NLGN3: variants seen among roughly 807,000 people sequenced by gnomAD.
NLGN3 encodes neuroligin-3.
NLGN3 carries 11 observed loss-of-function variants against 42.9 expected under a neutral mutation model. The observed-to-expected ratio is 0.26, with a 90% CI of 0.16 to 0.42. The LOEUF (loss-of-function observed/expected upper bound fraction) is 0.42. Ranked by LOEUF, NLGN3 falls within the 10% of genes least tolerant of loss-of-function variation. NLGN3 has a pLI of 1.00. For missense variants in NLGN3, 374 were observed against 733.8 expected (o/e 0.51, Z 5.67); for synonymous variants, 279 against 312.7 (o/e 0.89, Z 1.14).
chrX:71,169,330 T>A lies in NLGN3; in HGVS notation c.1780T>A (p.Ser594Thr), dbSNP rs2092462271. 2 of 1,206,516 alleles carry A rather than the reference T, an allele frequency of 1.7e-6. No homozygotes were observed. The highest frequency in any genetic ancestry group is 2.2e-6 in the Non-Finnish European group (2 of 893,558). ...KANRFEEVAW[S>T]KYNPRDQLYL... is the part of the protein sequence containing the mutation. ...CAACCGCTTTGAGGAAGTGGCCTGG[T>A]CCAAATACAATCCCCGAGACCAGCT... is the stretch of plus-strand genomic sequence containing the variant. The change falls in exon 8 of 8, where the codon TCC becomes ACC. Residue 594 changes from serine to threonine, a missense_variant. Physicochemically the swap from Ser to Thr is moderately conservative, Grantham distance 58 (BLOSUM62 1). Coordinates refer to ENST00000358741, the MANE Select transcript of NLGN3 (RefSeq NM_181303.2).
chrX:71,168,414 A>T (rs1196399078), intron 7 of NLGN3, among the ~76,000 whole-genome samples: 1 of 110,415 alleles, frequency 9.1e-6, no homozygotes, highest in African/African-American at 3.3e-5. Context: ...AGGCTATGTG[A>T]AATAGGAATG....
At chrX:71,157,819 G>A (rs5981080) in intron 5 of NLGN3, among the ~76,000 whole-genome samples, 6,310 of 109,840 alleles carry the variant, frequency 0.057, 457 homozygotes, top group African/African-American at 0.2. Context: ...AAGCAAAGTC[G>A]GTGTCCCCTT....
intron 7 of NLGN3, among the ~76,000 whole-genome samples, chrX:71,168,834 A>AAAG (rs1294908501): frequency 1.2e-5 from 1 of 81,980 alleles, no homozygotes; most frequent in Non-Finnish European, 2.1e-5. Flanking sequence ...AGAAAGAAAG[A>AAAG]AAGAAAGAAA....
chrX:71,161,784 A>C (rs1417073680), intron 5 of NLGN3, among the ~76,000 whole-genome samples: 1 of 111,956 alleles, frequency 8.9e-6, no homozygotes, highest in East Asian at 2.8e-4. Flanking sequence ...AAAAAAAAAT[A>C]AATAAATAAT....
At chrX:71,163,445 G>T (rs1249911544) in intron 5 of NLGN3, among the ~76,000 whole-genome samples, 1 of 111,582 alleles carries the variant, frequency 9.0e-6, no homozygotes, top group Non-Finnish European at 1.9e-5. Flanking sequence ...TGAGGGGAAG[G>T]GGGCCATCAA....
At chrX:71,168,101 T>C (rs926597355) in intron 7 of NLGN3, among the ~76,000 whole-genome samples, 2 of 111,107 alleles carry the variant, frequency 1.8e-5, no homozygotes. Flanking sequence ...TCCCAGCACT[T>C]TGGGAGGCAA....
chrX:71,158,410 T>C (rs910340912), intron 5 of NLGN3, among the ~76,000 whole-genome samples: 2 of 112,123 alleles, frequency 1.8e-5, no homozygotes, highest in Non-Finnish European at 3.8e-5. Context: ...TAGAGAGGAA[T>C]GAACGCGCAA....
At position 71,170,182 on chromosome X, in the gene NLGN3, GACACACACACAC is replaced by G; in HGVS notation, c.*93_*104del. On this transcript the variant is annotated 3_prime_UTR_variant, in exon 8 of 8. Coordinates refer to ENST00000358741, the MANE Select transcript of NLGN3 (RefSeq NM_181303.2). ...GCACACACACACACACACACACGCA[GACACACACACAC>G]ACACACATATATGTATACGCACGCA... 1 of 1,025,269 alleles carries G rather than the reference GACACACACACAC, an allele frequency of 9.8e-7. No individual in the cohort carries two copies. The highest frequency in any genetic ancestry group is 3.6e-5 in the East Asian group (1 of 28,091). 84.5% of individuals were successfully genotyped at this position (1,025,269 alleles called of 1,213,427 possible). A position where few individuals can be genotyped will look rare whatever the true frequency, so the allele number is the denominator to read the frequency against.
In NLGN3 at chrX:71,146,145, T is replaced by TCA. The variant is rs1569483351; in HGVS notation, c.-201+1182_-201+1183insAC. Among the ~76,000 whole-genome samples, 40 of 40,795 alleles carry TCA rather than the reference T, an allele frequency of 9.8e-4. 2 individuals are homozygous for TCA. Among genetic ancestry groups the TCA allele is most frequent in the Non-Finnish European group, 1.4e-3 (34 of 23,744 alleles). 35.4% of individuals were successfully genotyped at this position (40,795 alleles called of 115,157 possible). On this transcript the variant is annotated intron_variant, in intron 1 of 7. Coordinates refer to ENST00000358741, the MANE Select transcript of NLGN3 (RefSeq NM_181303.2). ...TTTCTTCTCTCTCTCTCTCTCTCTCTCTCTCTCTCACACACACACACACAC... is the reference window on the plus strand; with the variant it reads ...TTTCTTCTCTCTCTCTCTCTCTCTCTCACTCTCTCTCACACACACACACACAC...
chrX:71,155,190 G>A (rs1488578935), intron 4 of NLGN3, 24 bp from the exon 5 acceptor site: 2 of 1,211,258 alleles, frequency 1.7e-6, no homozygotes, highest in Non-Finnish European at 2.2e-6. Flanking sequence ...CACCCAGCCT[G>A]TGTCTCACCC....
chrX:71,167,273 G>A lies in NLGN3; in HGVS notation c.1176G>A (p.Glu392=), dbSNP rs771242182. The change falls in exon 7 of 8, where the codon GAG becomes GAA. Residue 392 remains glutamate (E), a synonymous_variant. Coordinates refer to ENST00000358741, the MANE Select transcript of NLGN3 (RefSeq NM_181303.2). ...CTGATGACCCTGAGATCCTCATGGA[G>A]CAGGGCGAGTTCCTCAACTATGACA... ...VIPDDPEILM[E]QGEFLNYDIM... is the part of the protein sequence containing the mutation. 1.7e-6 allele frequency: 2 copies of A among 1,211,869 alleles called. No homozygotes were observed. The highest frequency in any genetic ancestry group is 2.2e-6 in the Non-Finnish European group (2 of 895,501).
At chrX:71,172,627 C>CGT (rs59876964), downstream of NLGN3, among the ~76,000 whole-genome samples, 8,051 of 100,378 alleles carry the variant, frequency 0.08, 338 homozygotes, top group East Asian at 0.22. Flanking sequence ...TGTGTGCATG[C>CGT]GTGTGTGTGT....
chrX:71,158,088 T>G (rs2092416267), intron 5 of NLGN3, among the ~76,000 whole-genome samples: 1 of 108,638 alleles, frequency 9.2e-6, no homozygotes, highest in Admixed American at 1.0e-4. Context: ...ATTAATTAAT[T>G]AATTTTTGAG....
intron 3 of NLGN3, among the ~76,000 whole-genome samples, chrX:71,152,438 A>G (rs2092394608): frequency 9.2e-6 from 1 of 109,031 alleles, no homozygotes; most frequent in African/African-American, 3.4e-5. Flanking sequence ...GAAAGGTGGC[A>G]TGATGCAGTG....
intron 5 of NLGN3, among the ~76,000 whole-genome samples, chrX:71,156,560 C>T (rs1191235487): frequency 1.8e-5 from 2 of 110,207 alleles, no homozygotes; most frequent in Non-Finnish European, 3.8e-5. Context: ...TGTATATGTA[C>T]ACCCAGCACA....
intron 5 of NLGN3, among the ~76,000 whole-genome samples, chrX:71,155,700 G>A (rs944209411): frequency 2.7e-5 from 3 of 109,848 alleles, no homozygotes; most frequent in African/African-American, 6.7e-5. Context: ...CTACCCACCC[G>A]CCCCACATCT....
In NLGN3 at chrX:71,148,883, C is replaced by A; in HGVS notation, c.495C>A (p.Asn165Lys). The change falls in exon 3 of 8, where the codon AAC becomes AAA. Residue 165 changes from asparagine (N) to lysine (K), a missense_variant. By Grantham distance (94) the Asn-to-Lys change is moderately conservative (BLOSUM62 0). Around this residue, in one of 6 missense-constraint regions of NLGN3, gnomAD observed 109 missense variants for 173.3 expected, o/e 0.63. Transcript: ENST00000358741. The stretch of plus-strand genomic sequence containing the variant: ...CCAAGGAATGCGCCCGAAAGCCCAA[C>A]AAGAAAATTTGTAGGAAAGGAGGTA... ...RISKECARKP[N>K]KKICRKGGSG... The A allele has an allele frequency of 1.8e-6, 2 of 1,124,792 alleles. No individual in the cohort carries two copies. Among genetic ancestry groups the A allele is most frequent in the South Asian group, 2.2e-5 (1 of 46,175 alleles). 92.7% of individuals were successfully genotyped at this position (1,124,792 alleles called of 1,213,427 possible).
At chrX:71,164,597 C>T (rs1023935327) in intron 6 of NLGN3, among the ~76,000 whole-genome samples, 1 of 112,326 alleles carries the variant, frequency 8.9e-6, no homozygotes, top group African/African-American at 3.2e-5. Flanking sequence ...GGGAATAGAA[C>T]AATTGTCCCC....
At chrX:71,148,232 C>CCCT in intron 2 of NLGN3, 26 bp downstream of exon 2, 1 of 1,124,090 alleles carries the variant, frequency 8.9e-7, no homozygotes, top group Non-Finnish European at 1.2e-6. Flanking sequence ...AGGCACTGTG[C>CCCT]CCTCCCTGCC....
Sources: gnomAD v4.1 joint callset for allele counts (sites outside exome capture counted in the v4.1 genomes callset) on GRCh38, gnomAD v4.1.1 for gene constraint, gnomAD v4.1.1 regional missense constraint, MANE v1.5 for transcripts, NCBI Gene and HGNC (gene_info 2026-07-23, HGNC 2026-07-21) for gene names.